The following VPS8 variants were observed in gnomAD, a reference collection of about 807,000 sequenced individuals.
The protein encoded by VPS8 is vacuolar protein sorting-associated protein 8 homolog.
Under a neutral mutation model 216.4 loss-of-function variants are expected in VPS8, and 129 were observed. The observed-to-expected ratio is 0.60, with a 90% CI of 0.52 to 0.69. The LOEUF (loss-of-function observed/expected upper bound fraction) is 0.69, where lower values mean the gene tolerates loss of function less well. Ranked by LOEUF, VPS8 falls within the 30% of genes least tolerant of loss-of-function variation. The pLI is 0.00. For missense variants in VPS8, 1,531 were observed against 1,683.5 expected, an observed-to-expected ratio of 0.91 and a Z score of 1.59; for synonymous variants, 571 against 565.4, an observed-to-expected ratio of 1.01 and a Z score of -0.14.
intron 36 of VPS8, among the ~76,000 whole-genome samples, chr3:184,952,892 A>C (rs982250372): frequency 4.6e-5 from 7 of 152,246 alleles, no homozygotes; most frequent in Non-Finnish European, 1.0e-4. Context: ...GAGGAGGAGC[A>C]AGAGTCTGGT....
At chr3:185,029,477 G>C (rs1218041846) in intron 46 of VPS8, among the ~76,000 whole-genome samples, 2 of 152,194 alleles carry the variant, frequency 1.3e-5, no homozygotes, top group African/African-American at 4.8e-5. Context: ...CTTCTTTTTA[G>C]GTATTTCATG....
At chr3:184,843,212 CT>C in intron 7 of VPS8, 27 bp from the exon 8 acceptor site, 1 of 1,427,792 alleles carries the variant, frequency 7.0e-7, no homozygotes, top group Non-Finnish European at 9.2e-7. Context: ...CTTTATCTTT[CT>C]TGATCTTTTC....
intron 25 of VPS8, chr3:184,901,190 C>T: frequency 2.0e-6 from 1 of 501,016 alleles, no homozygotes; most frequent in Non-Finnish European, 3.5e-6. Flanking sequence ...CACAGCCCTG[C>T]TCTGGGCAGT....
Position 185,051,938 on chromosome 3 carries a change from C to T in VPS8, c.4200C>T (p.Gly1400=), listed in dbSNP as rs1242859754. The change falls in exon 48 of 48, where the codon GGC becomes GGT. Residue 1400 remains glycine (G), a synonymous_variant. Transcript: ENST00000625842. ...GCGAGAGCTATAGGCCATTCAGTGGCTCGCAGAGTGCTCCTGCTTTCAACA... is the reference window on the plus strand; with the variant it reads ...GCGAGAGCTATAGGCCATTCAGTGGTTCGCAGAGTGCTCCTGCTTTCAACA... The part of the protein sequence containing the change: ...RSSESYRPFS[G]SQSAPAFNSI... The T allele has an allele frequency of 6.8e-6, 11 of 1,613,492 alleles. No individual in the cohort carries two copies. Among genetic ancestry groups the T allele is most frequent in the Non-Finnish European group, 9.3e-6 (11 of 1,179,762 alleles).
chr3:184,849,931 T>C lies in VPS8; in HGVS notation c.667-5T>C. 6.2e-7 allele frequency: 1 copy of C among 1,610,538 alleles called. No homozygotes were observed. The highest frequency in any genetic ancestry group is 8.5e-7 in the Non-Finnish European group (1 of 1,178,692). ...TTGTTTTTGAAGCACTTAGTTGTCT[T>C]ATAGATCACCATGTGGGATTTGGCC... is the stretch of plus-strand genomic sequence containing the variant. On this transcript the variant is annotated splice_polypyrimidine_tract_variant and splice_region_variant and intron_variant, in intron 9 of 47. Transcript: ENST00000625842.
At chr3:184,873,486 G>A (rs984636247) in intron 21 of VPS8, among the ~76,000 whole-genome samples, 5 of 152,066 alleles carry the variant, frequency 3.3e-5, no homozygotes, top group African/African-American at 1.2e-4. Context: ...TCATAACTCT[G>A]TAAGGTGGCT....
intron 42 of VPS8, among the ~76,000 whole-genome samples, chr3:184,984,669 GC>G (rs1199885054): frequency 6.6e-6 from 1 of 152,090 alleles, no homozygotes; most frequent in East Asian, 1.9e-4. Flanking sequence ...GATATAGACT[GC>G]TTCACATATC....
At chr3:184,842,186 C>CAAAAAAAAAAAAAAAAAAAAAAAAAAA (rs71162267) in intron 7 of VPS8, among the ~76,000 whole-genome samples, 4 of 48,982 alleles carry the variant, frequency 8.2e-5, no homozygotes, top group Admixed American at 2.8e-4. Context: ...GACTCCGTCT[C>CAAAAAAAAAAAAAAAAAAAAAAAAAAA]AAAAAAAAAA....
At chr3:184,929,932 C>CACAGAGTAGCCAGGGAAGGAATT in intron 33 of VPS8, among the ~76,000 whole-genome samples, 1 of 152,140 alleles carries the variant, frequency 6.6e-6, no homozygotes, top group Non-Finnish European at 1.5e-5. Flanking sequence ...AACTGACTTA[C>CACAGAGTAGCCAGGGAAGGAATT]ACAGAGTAGC....
intron 22 of VPS8, 97 bp from the exon 23 acceptor site, chr3:184,894,606 G>A: frequency 1.1e-6 from 1 of 952,050 alleles, no homozygotes; most frequent in Non-Finnish European, 1.6e-6. Context: ...TCATGAGTAA[G>A]TTGAAGTAGG....
intron 21 of VPS8, among the ~76,000 whole-genome samples, chr3:184,875,722 C>T (rs1041484926): frequency 6.6e-6 from 1 of 151,294 alleles, no homozygotes. Context: ...GATGATGGCT[C>T]ACACCTACAA....
At chr3:185,051,358 T>G (rs1714195817) in intron 47 of VPS8, among the ~76,000 whole-genome samples, 1 of 152,010 alleles carries the variant, frequency 6.6e-6, no homozygotes, top group Non-Finnish European at 1.5e-5. Flanking sequence ...CCCCTGAGTT[T>G]GAGTTGGCAG....
intron 8 of VPS8, among the ~76,000 whole-genome samples, chr3:184,846,298 A>T (rs1032711983): frequency 6.6e-6 from 1 of 152,238 alleles, no homozygotes; most frequent in African/African-American, 2.4e-5. Context: ...GGAATGGCTA[A>T]GATTGATAAT....
chr3:184,955,603 A>G (rs998247842), intron 36 of VPS8, among the ~76,000 whole-genome samples: 1 of 151,870 alleles, frequency 6.6e-6, no homozygotes, highest in Non-Finnish European at 1.5e-5. Flanking sequence ...TTGTCTCTTT[A>G]TCTCTTTGTC....
intron 40 of VPS8, among the ~76,000 whole-genome samples, chr3:184,975,725 TTCTC>T (rs1749152838): frequency 6.6e-6 from 1 of 152,308 alleles, no homozygotes; most frequent in Admixed American, 6.5e-5. Flanking sequence ...GGTGTGTTCT[TTCTC>T]TGCCTAATTT....
intron 5 of VPS8, among the ~76,000 whole-genome samples, chr3:184,837,666 C>G (rs927481197): frequency 6.6e-6 from 1 of 152,138 alleles, no homozygotes; most frequent in Non-Finnish European, 1.5e-5. Flanking sequence ...CCAGGAAGCT[C>G]TACAGAGTTT....
intron 32 of VPS8, among the ~76,000 whole-genome samples, chr3:184,929,228 C>G (rs1244438148): frequency 6.6e-6 from 1 of 152,154 alleles, no homozygotes; most frequent in African/African-American, 2.4e-5. Flanking sequence ...AAGTCTCCCT[C>G]TGTTGACCAG....
intron 36 of VPS8, among the ~76,000 whole-genome samples, chr3:184,943,772 T>G (rs1050198782): frequency 2.0e-5 from 3 of 152,222 alleles, no homozygotes; most frequent in African/African-American, 7.2e-5. Context: ...AGGATTCTCA[T>G]TCTTGTATGT....
intron 45 of VPS8, among the ~76,000 whole-genome samples, chr3:185,011,006 C>T (rs1217372774): frequency 6.9e-6 from 1 of 144,652 alleles, no homozygotes; most frequent in Non-Finnish European, 1.5e-5. Context: ...CTCAAAAAAA[C>T]AAAAAAGAAA....
Sources: allele counts gnomAD v4.1 joint callset (sites outside exome capture counted in the v4.1 genomes callset), GRCh38; gene constraint gnomAD v4.1.1; transcripts MANE v1.5; gene names NCBI Gene and HGNC (gene_info 2026-07-23, HGNC 2026-07-21).